Variants in FAM167A observed in about 807,000 individuals in gnomAD.
FAM167A encodes family with sequence similarity 167 member A, also known as protein FAM167A.
Under a neutral mutation model 14.9 loss-of-function variants are expected in FAM167A, and 23 were observed. The ratio of observed to expected loss-of-function variants is 1.55; its 90% CI spans 1.11 to 2.19. The LOEUF is 2.19. FAM167A is among the 30% of genes most tolerant of loss of function. The pLI is 0.00. For synonymous variants in FAM167A, 174 were observed against 117.7 expected (o/e 1.48, Z -3.10); for missense variants, 401 against 281.5 (o/e 1.42, Z -3.04).
intron 1 of FAM167A, among the ~76,000 whole-genome samples, chr8:11,458,268 C>T (rs1416829581): frequency 6.6e-6 from 1 of 152,200 alleles, no homozygotes; most frequent in Admixed American, 6.5e-5. Flanking sequence ...CAGCACCTCA[C>T]TCGACAGTCT....
intron 2 of FAM167A, chr8:11,443,768 T>G: frequency 2.2e-6 from 1 of 452,378 alleles, no homozygotes; most frequent in Non-Finnish European, 4.0e-6. Flanking sequence ...CACCTTAACA[T>G]GGGTTCAGGT....
chr8:11,429,637 C>T (rs1276804795), intron 2 of FAM167A, among the ~76,000 whole-genome samples: 1 of 152,248 alleles, frequency 6.6e-6, no homozygotes, highest in African/African-American at 2.4e-5. Context: ...CAGCCTATGG[C>T]ATCTGGACCA....
intron 2 of FAM167A, chr8:11,433,882 G>A (rs1805796023): frequency 6.6e-6 from 1 of 152,216 alleles, no homozygotes; most frequent in Non-Finnish European, 1.5e-5. Flanking sequence ...AACAATTTGT[G>A]TAATCTCTTT....
At chr8:11,439,807 G>C (rs1806319763) in intron 2 of FAM167A, among the ~76,000 whole-genome samples, 1 of 152,178 alleles carries the variant, frequency 6.6e-6, no homozygotes, top group African/African-American at 2.4e-5. Context: ...CTTCCAGGTT[G>C]GCAAGGGGAA....
intron 2 of FAM167A, chr8:11,433,959 C>G (rs1461499840): frequency 6.6e-6 from 1 of 152,178 alleles, no homozygotes; most frequent in Non-Finnish European, 1.5e-5. Flanking sequence ...GCAGGAGAAT[C>G]CACTTAGAAG....
upstream of FAM167A, among the ~76,000 whole-genome samples, chr8:11,468,230 C>G (rs1046757332): frequency 1.2e-4 from 19 of 152,250 alleles, no homozygotes; most frequent in Admixed American, 1.1e-3. Context: ...CCCCAGTCCT[C>G]TGAGGATTAA....
intron 1 of FAM167A, among the ~76,000 whole-genome samples, chr8:11,450,353 T>G (rs1343433890): frequency 6.6e-6 from 1 of 152,216 alleles, no homozygotes; most frequent in Non-Finnish European, 1.5e-5. Context: ...GCTAAAAGCT[T>G]TACATGTATT....
chr8:11,458,196 G>A (rs1268170851), intron 1 of FAM167A, among the ~76,000 whole-genome samples: 3 of 152,190 alleles, frequency 2.0e-5, no homozygotes, highest in African/African-American at 7.2e-5. Flanking sequence ...TCAACTTTAT[G>A]TCTCATCCTT....
At chr8:11,434,316 G>A (rs1268049473) in intron 2 of FAM167A, among the ~76,000 whole-genome samples, 1 of 152,190 alleles carries the variant, frequency 6.6e-6, no homozygotes, top group African/African-American at 2.4e-5. Flanking sequence ...GGCTGGTCCT[G>A]GGTTCTCTTT....
At chr8:11,439,323 G>GT (rs1554526131) in intron 2 of FAM167A, among the ~76,000 whole-genome samples, 1 of 152,246 alleles carries the variant, frequency 6.6e-6, no homozygotes, top group Non-Finnish European at 1.5e-5. Context: ...GAAGACACTG[G>GT]TGAGTATGAC....
chr8:11,444,181 C>T lies in FAM167A; in HGVS notation c.231G>A (p.Gly77=), dbSNP rs1459394368. 1 of 1,612,876 alleles carries T rather than the reference C, an allele frequency of 6.2e-7. No homozygotes were observed. Among genetic ancestry groups the T allele is most frequent in the Admixed American group, 1.7e-5 (1 of 59,970 alleles). ...TCAGGGGGAGCAAGGGCTCCTGCCC[C>T]CCACGCTCCCCCTCCTCCAAGCTCG... is the stretch of plus-strand genomic sequence containing the variant. The part of the protein sequence containing the change: ...PQASLEEGER[G]GQEPLLPLRE... The change falls in exon 2 of 3, where the codon GGG becomes GGA. Residue 77 remains glycine (G), a synonymous_variant. Coordinates refer to ENST00000284486, the MANE Select transcript of FAM167A (RefSeq NM_053279.3).
At chr8:11,427,470 A>T (rs1421691904) in intron 2 of FAM167A, among the ~76,000 whole-genome samples, 1 of 152,212 alleles carries the variant, frequency 6.6e-6, no homozygotes, top group Non-Finnish European at 1.5e-5. Flanking sequence ...TATTTCTGCG[A>T]CATGCTCGGC....
intron 2 of FAM167A, among the ~76,000 whole-genome samples, chr8:11,426,504 C>T (rs1304062309): frequency 6.6e-6 from 1 of 152,160 alleles, no homozygotes; most frequent in Admixed American, 6.5e-5. Context: ...TCCCAGTTTC[C>T]CAAACCCACT....
intron 1 of FAM167A, among the ~76,000 whole-genome samples, chr8:11,448,725 C>A (rs1194168603): frequency 6.6e-6 from 1 of 152,244 alleles, no homozygotes; most frequent in Non-Finnish European, 1.5e-5. Flanking sequence ...TCCCTCTCTG[C>A]TCACATTGTG....
chr8:11,440,189 G>A (rs1035846536), intron 2 of FAM167A, among the ~76,000 whole-genome samples: 1 of 152,194 alleles, frequency 6.6e-6, no homozygotes, highest in African/African-American at 2.4e-5. Context: ...CTCGCCTGGA[G>A]GAGTCAGGTG....
rs1281406876 is a variant in FAM167A, at chr8:11,422,229, C to G, written c.*2144G>C. The G allele has an allele frequency of 1.2e-5, 2 of 167,686 alleles. No homozygotes were observed. Among genetic ancestry groups the G allele is most frequent in the Non-Finnish European group, 2.6e-5 (2 of 78,430 alleles). 10.4% of individuals were successfully genotyped at this position (167,686 alleles called of 1,614,324 possible). A position where few individuals can be genotyped will look rare whatever the true frequency, so the allele number is the denominator to read the frequency against. The stretch of plus-strand genomic sequence containing the variant: ...CTAAATCTTTCCATTTTCGCTGAAC[C>G]CAATGGTTTCGGTTACTGTAATGAC... On this transcript the variant is annotated 3_prime_UTR_variant, in exon 3 of 3. Transcript: ENST00000284486.
rs1804778520 is a variant in FAM167A, at chr8:11,422,190, C to G, written c.*2183G>C. 5.0e-6 allele frequency: 1 copy of G among 199,034 alleles called. No homozygotes were observed. The highest frequency in any genetic ancestry group is 1.2e-4 in the East Asian group (1 of 8,434). 12.3% of individuals were successfully genotyped at this position (199,034 alleles called of 1,614,324 possible). A position where few individuals can be genotyped will look rare whatever the true frequency, so the allele number is the denominator to read the frequency against. On this transcript the variant is annotated 3_prime_UTR_variant, in exon 3 of 3. Coordinates refer to ENST00000284486, the MANE Select transcript of FAM167A (RefSeq NM_053279.3). ...CTCAGTTGCATCCAACTTAATTGGA[C>G]TGACTACATTCAGCTAAATCTTTCC...
In FAM167A at chr8:11,452,901, G is replaced by C. The variant is rs143937669; in HGVS notation, c.-397-8093C>G. ...ACACATTCGGGCCTCACGTCCTTCT[G>C]ACTTCACGCAGGAGAAAGTGGAGGC... On this transcript the variant is annotated intron_variant, in intron 1 of 2. Transcript: ENST00000284486. 3.4e-3 allele frequency among the ~76,000 whole-genome samples: 511 copies of C among 152,320 alleles called. 4 individuals carry two copies. The highest frequency in any genetic ancestry group is 5.4e-3 in the Admixed American group (83 of 15,308).
At position 11,424,454 on chromosome 8, in the gene FAM167A, G is replaced by C. The variant is rs768510757; in HGVS notation, c.564C>G (p.Ser188=). The C allele has an allele frequency of 6.2e-7, 1 of 1,614,136 alleles. No individual in the cohort carries two copies. Among genetic ancestry groups the C allele is most frequent in the Non-Finnish European group, 8.5e-7 (1 of 1,180,018 alleles). Residue 188 remains serine, a synonymous_variant, in exon 3 of 3, where the codon TCC becomes TCG. Transcript: ENST00000284486. ...TGAGTGGTGTGGAGAGGCTGAAGGAGGAGGCAAGAGGGGAGTCACAGAAGA... is the reference window on the plus strand; with the variant it reads ...TGAGTGGTGTGGAGAGGCTGAAGGACGAGGCAAGAGGGGAGTCACAGAAGA... ...ADLFCDSPLA[S]SFSLSTPLKL...
Sources: allele counts gnomAD v4.1 joint callset (sites outside exome capture counted in the v4.1 genomes callset), GRCh38; gene constraint gnomAD v4.1.1; transcripts MANE v1.5; gene names NCBI Gene and HGNC (gene_info 2026-07-23, HGNC 2026-07-21).